Variants in NR4A3 observed in about 807,000 individuals in gnomAD.
The protein encoded by NR4A3 is nuclear receptor subfamily 4 group A member 3.
NR4A3 carries 13 observed loss-of-function variants against 55.6 expected under a neutral mutation model. The observed-to-expected ratio is 0.23, with a 90% confidence interval of 0.15 to 0.37. NR4A3 has a LOEUF of 0.37. Among genes scored for constraint, NR4A3 ranks in the 10% least tolerant of loss-of-function variants. The probability of loss-of-function intolerance (pLI) is 1.00; values close to 1 mark genes in which losing one functional copy is unlikely to be tolerated. For missense variants in NR4A3, 646 were observed against 822.8 expected (o/e 0.79, Z 2.63); for synonymous variants, 342 against 357.9 (o/e 0.96, Z 0.50).
chr9:99,859,224 G>A lies in NR4A3; in HGVS notation c.1634-4396G>A, dbSNP rs138665110. 4.1e-3 allele frequency among the ~76,000 whole-genome samples: 627 copies of A among 152,246 alleles called. 4 individuals are homozygous for A. The highest frequency in any genetic ancestry group is 0.015 in the African/African-American group (606 of 41,562). ...CTGCTGTGTATAATTCTCTAGGAAGGGGGATAGTCCAAATGCCTGATTTCC... is the reference window on the plus strand; with the variant it reads ...CTGCTGTGTATAATTCTCTAGGAAGAGGGATAGTCCAAATGCCTGATTTCC... On this transcript the variant is annotated intron_variant, in intron 7 of 7. Transcript: ENST00000395097.
At chr9:99,849,816 C>T (rs1827818029) in intron 7 of NR4A3, among the ~76,000 whole-genome samples, 2 of 152,156 alleles carry the variant, frequency 1.3e-5, no homozygotes, top group Non-Finnish European at 2.9e-5. Flanking sequence ...GATGATAACA[C>T]ACATCCCTAG....
intron 2 of NR4A3, 84 bp from the exon 3 acceptor site, chr9:99,827,957 G>C: frequency 6.7e-7 from 1 of 1,485,486 alleles, no homozygotes; most frequent in African/African-American, 1.4e-5. Flanking sequence ...TCCCAGATTA[G>C]AGAACAGTGA....
At chr9:99,844,387 A>C (rs1827716987) in intron 5 of NR4A3, among the ~76,000 whole-genome samples, 1 of 152,242 alleles carries the variant, frequency 6.6e-6, no homozygotes, top group Non-Finnish European at 1.5e-5. Context: ...TGCACTGCAC[A>C]GTCAAGGGTG....
chr9:99,852,555 G>A (rs1827867695), intron 7 of NR4A3, among the ~76,000 whole-genome samples: 1 of 152,166 alleles, frequency 6.6e-6, no homozygotes. Context: ...TTCCTGTACA[G>A]AAATAGGGGA....
intron 5 of NR4A3, chr9:99,834,050 T>G: frequency 9.4e-7 from 1 of 1,061,080 alleles, no homozygotes; most frequent in Non-Finnish European, 1.1e-6. Context: ...CTACAATATT[T>G]AACCTCAGAG....
intron 5 of NR4A3, among the ~76,000 whole-genome samples, chr9:99,838,863 AT>A (rs1441372624): frequency 2.0e-5 from 3 of 152,244 alleles, no homozygotes; most frequent in African/African-American, 7.2e-5. Context: ...AACCATCGAT[AT>A]AGTTTATAAT....
intron 7 of NR4A3, among the ~76,000 whole-genome samples, chr9:99,862,564 A>C (rs1828026201): frequency 2.4e-5 from 1 of 41,794 alleles, no homozygotes; most frequent in Non-Finnish European, 7.8e-5. Context: ...AAAAAAAAAA[A>C]AAAAAAAAAA....
At position 99,822,788 on chromosome 9, in the gene NR4A3, G is replaced by GCAGCT. The variant is rs1456487430; in HGVS notation, c.-177+383_-177+387dup. ...GCGGCAGCGGCAGCGGCAGGGAGTT[G>GCAGCT]CAGCTCCGGTGATGAACGGCAGTAA... On this transcript the variant is annotated intron_variant, in intron 1 of 7. Transcript: ENST00000395097. The surrounding 1 kb of genome is among the most constrained non-coding windows in gnomAD (Gnocchi z 4.9). 6.6e-6 allele frequency among the ~76,000 whole-genome samples: 1 copy of GCAGCT among 152,326 alleles called. No individual in the cohort carries two copies. Among genetic ancestry groups the GCAGCT allele is most frequent in the East Asian group, 1.9e-4 (1 of 5,184 alleles).
chr9:99,839,929 T>C (rs762735566), intron 5 of NR4A3, among the ~76,000 whole-genome samples: 13 of 152,236 alleles, frequency 8.5e-5, no homozygotes, highest in Non-Finnish European at 1.6e-4. Context: ...GGGAGTCCAG[T>C]CCTTCCAACT....
intron 5 of NR4A3, among the ~76,000 whole-genome samples, chr9:99,841,156 G>A (rs1239369500): frequency 3.3e-5 from 5 of 151,742 alleles, no homozygotes; most frequent in African/African-American, 7.3e-5. Context: ...GCTTGAACCC[G>A]GGAGGCAGAG....
In NR4A3 at chr9:99,865,028, A is replaced by G. The variant is rs948065108; in HGVS notation, c.*1161A>G. The G allele has an allele frequency of 8.9e-5, 18 of 202,416 alleles. No homozygotes were observed. The highest frequency in any genetic ancestry group is 1.6e-4 in the Non-Finnish European group (16 of 98,134). The allele number at this position is 202,416 out of a possible 1,614,324, so 12.5% of individuals were successfully genotyped here. On this transcript the variant is annotated 3_prime_UTR_variant, in exon 8 of 8. Coordinates refer to ENST00000395097, the MANE Select transcript of NR4A3 (RefSeq NM_006981.4). The surrounding 1 kb of genome is among the most constrained non-coding windows in gnomAD (Gnocchi z 4.3). ...TACTAGAAAAGATTTAAAAAATAGT[A>G]TGAGTGTGAGTACTAGGAAGGATTA...
chr9:99,846,215 A>C (rs1827750400), intron 6 of NR4A3, among the ~76,000 whole-genome samples: 1 of 152,354 alleles, frequency 6.6e-6, no homozygotes, highest in Non-Finnish European at 1.5e-5. Flanking sequence ...AAGGAAATCT[A>C]AGATTAAAGG....
At chr9:99,861,612 G>A (rs1828010618) in intron 7 of NR4A3, among the ~76,000 whole-genome samples, 1 of 152,138 alleles carries the variant, frequency 6.6e-6, no homozygotes, top group South Asian at 2.1e-4. Flanking sequence ...CTTTTACAGG[G>A]CCCCAAAGTG....
Position 99,828,397 on chromosome 9 carries a change from C to T in NR4A3, c.355C>T (p.Pro119Ser), listed in dbSNP as rs745750741. 2 of 1,590,280 alleles carry T rather than the reference C, an allele frequency of 1.3e-6. No homozygotes were observed. Among genetic ancestry groups the T allele is most frequent in the East Asian group, 4.5e-5 (2 of 44,762 alleles). ...QQQHQQPSIPPASSPEDEVLP... is the reference protein window; with the variant it reads ...QQQHQQPSIPSASSPEDEVLP... The stretch of plus-strand genomic sequence containing the variant: ...GCAGCATCAGCAGCCATCCATTCCT[C>T]CAGCCTCCAGCCCGGAGGACGAGGT... The change falls in exon 3 of 8, where the codon CCA becomes TCA. Residue 119 changes from proline (P) to serine (S), a missense_variant. Physicochemically the swap from Pro to Ser is moderately conservative, Grantham distance 74 (BLOSUM62 -1). This residue lies in a region of NR4A3 where 426 missense variants were observed against 429.4 expected (regional missense o/e 0.99). Transcript: ENST00000395097. The surrounding 1 kb of genome is among the most constrained non-coding windows in gnomAD (Gnocchi z 7.7).
Position 99,828,797 on chromosome 9 carries a change from C to T in NR4A3, c.755C>T (p.Ala252Val). 6.8e-7 allele frequency: 1 copy of T among 1,467,206 alleles called. No individual in the cohort carries two copies. The highest frequency in any genetic ancestry group is 9.0e-7 in the Non-Finnish European group (1 of 1,113,336). 90.9% of individuals were successfully genotyped at this position (1,467,206 alleles called of 1,614,324 possible). The stretch of plus-strand genomic sequence containing the variant: ...GGGCTGCCGCTGGCCAAGAGGGCGG[C>T]CCCGCTGGCCTTCCCGCCTCTCGGC... ...PYGLPLAKRA[A>V]PLAFPPLGLT... The change falls in exon 3 of 8, where the codon GCC becomes GTC. Residue 252 changes from alanine (A) to valine (V), a missense_variant. By Grantham distance (64) the Ala-to-Val change is moderately conservative. Transcript: ENST00000395097. This position sits in a 1 kb window ranked among gnomAD's most constrained non-coding sequence, Gnocchi z 7.7.
intron 7 of NR4A3, among the ~76,000 whole-genome samples, chr9:99,849,568 C>A (rs1199629090): frequency 6.6e-6 from 1 of 152,158 alleles, no homozygotes; most frequent in Non-Finnish European, 1.5e-5. Context: ...AACTAAAGCT[C>A]TTTAGTTCAA....
chr9:99,863,269 C>G (rs1828039227), intron 7 of NR4A3, among the ~76,000 whole-genome samples: 1 of 152,188 alleles, frequency 6.6e-6, no homozygotes, highest in Non-Finnish European at 1.5e-5. Context: ...CCATTCATTC[C>G]ATGTGGCTGT....
intron 7 of NR4A3, among the ~76,000 whole-genome samples, chr9:99,857,594 G>A (rs1052863133): frequency 2.0e-5 from 3 of 151,956 alleles, no homozygotes; most frequent in Admixed American, 2.0e-4. Context: ...ACACCATCCT[G>A]GCCAACATGG....
chr9:99,857,854 G>T (rs1321277227), intron 7 of NR4A3, among the ~76,000 whole-genome samples: 1 of 152,120 alleles, frequency 6.6e-6, no homozygotes, highest in Non-Finnish European at 1.5e-5. Flanking sequence ...TGATGTGGTA[G>T]GTTTTAGAGT....
Sources: allele counts gnomAD v4.1 joint callset (sites outside exome capture counted in the v4.1 genomes callset), GRCh38; gene constraint gnomAD v4.1.1; regional missense constraint gnomAD v4.1.1; non-coding constraint Gnocchi (gnomAD v3.1); transcripts MANE v1.5; gene names NCBI Gene and HGNC (gene_info 2026-07-23, HGNC 2026-07-21).